The following ZBTB3 variants were observed in gnomAD, a reference collection of about 807,000 sequenced individuals.
ZBTB3 encodes zinc finger and BTB domain-containing protein 3.
ZBTB3 carries 15 observed loss-of-function variants against 30.6 expected under a neutral mutation model. The observed-to-expected ratio is 0.49, with a 90% CI of 0.33 to 0.75. The LOEUF is 0.75. ZBTB3 is among the 30% of genes least tolerant of loss of function. The pLI is 0.02. For synonymous variants in ZBTB3, 258 were observed against 261.7 expected, an observed-to-expected ratio of 0.99 and a Z score of 0.14; for missense variants, 599 against 652.1, an observed-to-expected ratio of 0.92 and a Z score of 0.89.
Position 62,752,163 on chromosome 11 carries a change from G to A in ZBTB3, c.1502C>T (p.Thr501Ile). ...ACCACTGCTGCTCTGTCTGTCTGCT[G>A]TTGGGGAGCCAGGGAGAGGCTGCAC... ...LGVQPLPGSP[T>I]ADRQSSSGGG... Residue 501 changes from threonine (T) to isoleucine (I), a missense_variant, in exon 2 of 2, where the codon ACA becomes ATA. Coordinates refer to ENST00000394807, the MANE Select transcript of ZBTB3 (RefSeq NM_001370809.1). 6.2e-7 allele frequency: 1 copy of A among 1,614,092 alleles called. No individual in the cohort carries two copies. Among genetic ancestry groups the A allele is most frequent in the Non-Finnish European group, 8.5e-7 (1 of 1,179,988 alleles).
chr11:62,752,640 G>C lies in ZBTB3; in HGVS notation c.1025C>G (p.Ser342Cys). 6.2e-7 allele frequency: 1 copy of C among 1,614,226 alleles called. No homozygotes were observed. Among genetic ancestry groups the C allele is most frequent in the Non-Finnish European group, 8.5e-7 (1 of 1,180,050 alleles). Reference sequence around the variant, plus strand: ...TGGGTCTTCAAAAGCCTCTGGCTGGGAGGGCTGTGCCCCATACACTGCTCC... The same window carrying C: ...TGGGTCTTCAAAAGCCTCTGGCTGGCAGGGCTGTGCCCCATACACTGCTCC... The part of the protein sequence containing the change: ...SGGAVYGAQP[S>C]QPEAFEDPGA... Residue 342 changes from serine to cysteine, a missense_variant, in exon 2 of 2, where the codon TCC (serine) becomes TGC (cysteine). Transcript: ENST00000394807.
intron 1 of ZBTB3, 37 bp from the exon 2 acceptor site, chr11:62,753,752 TC>T: frequency 6.4e-7 from 1 of 1,562,996 alleles, no homozygotes. Context: ...ACAGGTAACC[TC>T]CCCAGCAACC....
At position 62,753,417 on chromosome 11, in the gene ZBTB3, A is replaced by G; in HGVS notation, c.248T>C (p.Met83Thr). ...TCTCAGGGTCAGCTGGCCAGCATAC[A>G]TAAAGTCCAGAAGCAGCCCAAAGGC... is the stretch of plus-strand genomic sequence containing the variant. ...APAFGLLLDF[M>T]YAGQLTLRGD... Residue 83 changes from methionine to threonine, a missense_variant, in exon 2 of 2, where the codon ATG becomes ACG. Coordinates refer to ENST00000394807, the MANE Select transcript of ZBTB3 (RefSeq NM_001370809.1). 6.2e-7 allele frequency: 1 copy of G among 1,614,176 alleles called. No homozygotes were observed.
chr11:62,754,125 C>A lies in ZBTB3; in HGVS notation c.-213G>T. The A allele has an allele frequency of 1.3e-6, 2 of 1,519,830 alleles. No individual in the cohort carries two copies. The highest frequency in any genetic ancestry group is 1.8e-6 in the Non-Finnish European group (2 of 1,095,104). 94.1% of individuals were successfully genotyped at this position (1,519,830 alleles called of 1,614,324 possible). ...TGGGAACTAGCGGAGAAAGCTGATACCTCACCCACCACCGAGCAGCCACAG... is the reference window on the plus strand; with the variant it reads ...TGGGAACTAGCGGAGAAAGCTGATAACTCACCCACCACCGAGCAGCCACAG... On this transcript the variant is annotated 5_prime_UTR_variant, in exon 1 of 2. Coordinates refer to ENST00000394807, the MANE Select transcript of ZBTB3 (RefSeq NM_001370809.1).
At chr11:62,753,869 T>C in intron 1 of ZBTB3, 95 bp downstream of exon 1, 1 of 1,566,884 alleles carries the variant, frequency 6.4e-7, no homozygotes. Flanking sequence ...TCCGCCCACC[T>C]CGGCCTAACC....
chr11:62,753,805 C>T, intron 1 of ZBTB3, 90 bp from the exon 2 acceptor site: 3 of 1,530,230 alleles, frequency 2.0e-6, no homozygotes, highest in Non-Finnish European at 2.6e-6. Context: ...AAAACAATCG[C>T]TTAAGTTACT....
rs2084005361 is a variant in ZBTB3 at position 62,751,055 on chromosome 11, G to A, written c.*1035C>T. The A allele has an allele frequency of 6.6e-6, 1 of 152,554 alleles. No homozygotes were observed. Among genetic ancestry groups the A allele is most frequent in the South Asian group, 2.1e-4 (1 of 4,830 alleles). The allele number at this position is 152,554 out of a possible 1,614,324, so 9.5% of individuals were successfully genotyped here. A position where few individuals can be genotyped will look rare whatever the true frequency, so the allele number is the denominator to read the frequency against. On this transcript the variant is annotated 3_prime_UTR_variant, in exon 2 of 2. Transcript: ENST00000394807. ...GGAAAATTCCCAGTGCCCTTGGAGA[G>A]AGCTGACATAGGCTTTGCCCCATAA...
At position 62,754,112 on chromosome 11, in the gene ZBTB3, G is replaced by C. The variant is rs751816723; in HGVS notation, c.-200C>G. 62 of 1,579,966 alleles carry C rather than the reference G, an allele frequency of 3.9e-5. No homozygotes were observed. In the East Asian group the frequency reaches 1.4e-3, roughly 35 times the overall value. On this transcript the variant is annotated 5_prime_UTR_variant, in exon 1 of 2. Transcript: ENST00000394807. ...AGGACTACCAGGGTGGGAACTAGCGGAGAAAGCTGATACCTCACCCACCAC... is the reference window on the plus strand; with the variant it reads ...AGGACTACCAGGGTGGGAACTAGCGCAGAAAGCTGATACCTCACCCACCAC...
chr11:62,752,813 A>AGGGGCTGGGGCTGACGTT lies in ZBTB3; in HGVS notation c.834_851dup (p.Thr279_Pro284dup). On this transcript the variant is annotated inframe_insertion, in exon 2 of 2. Transcript: ENST00000394807. ...CCTGGGATGGAACTGGAGCTGAGAC[A>AGGGGCTGGGGCTGACGTT]GGGGCTGGGGCTGACGTTGGGGCTG... 1 of 1,614,080 alleles carries AGGGGCTGGGGCTGACGTT rather than the reference A, an allele frequency of 6.2e-7. No homozygotes were observed. Among genetic ancestry groups the AGGGGCTGGGGCTGACGTT allele is most frequent in the Non-Finnish European group, 8.5e-7 (1 of 1,179,988 alleles).
rs1238581177 is a variant in ZBTB3 at position 62,752,809 on chromosome 11, A to C, written c.856T>G (p.Ser286Ala). The part of the protein sequence containing the change: ...SAPTSAPAPV[S>A]APVPSQAPAP... ...GGAGCCTGGGATGGAACTGGAGCTG[A>C]GACAGGGGCTGGGGCTGACGTTGGG... The change falls in exon 2 of 2, where the codon TCA becomes GCA. Residue 286 changes from serine (S) to alanine (A), a missense_variant. Ser to Ala is a moderately conservative substitution (Grantham distance 99, BLOSUM62 1). Transcript: ENST00000394807. The C allele has an allele frequency of 6.2e-7, 1 of 1,614,018 alleles. No individual in the cohort carries two copies. Among genetic ancestry groups the C allele is most frequent in the Non-Finnish European group, 8.5e-7 (1 of 1,180,030 alleles).
chr11:62,753,488 G>A lies in ZBTB3; in HGVS notation c.177C>T (p.Asp59=), dbSNP rs1260496136. ...FQLFYKEREL[D]KRDLVCIHNE... ...TGTGAATACACACCAGATCCCTCTT[G>A]TCCAATTCCCGCTCCTTGTAGAAAA... Residue 59 remains aspartate (D), a synonymous_variant, in exon 2 of 2, where the codon GAC becomes GAT. Coordinates refer to ENST00000394807, the MANE Select transcript of ZBTB3 (RefSeq NM_001370809.1). 67 of 1,614,074 alleles carry A rather than the reference G, an allele frequency of 4.2e-5. No homozygotes were observed. Among genetic ancestry groups the A allele is most frequent in the Non-Finnish European group, 5.4e-5 (64 of 1,180,046 alleles).
At position 62,753,300 on chromosome 11, in the gene ZBTB3, CG is replaced by C; in HGVS notation, c.364del (p.Arg122GlyfsTer135). 1 of 1,614,096 alleles carries C rather than the reference CG, an allele frequency of 6.2e-7. No individual in the cohort carries two copies. Among genetic ancestry groups the C allele is most frequent in the Admixed American group, 1.7e-5 (1 of 60,002 alleles). On this transcript the variant is annotated frameshift_variant, in exon 2 of 2. Coordinates refer to ENST00000394807, the MANE Select transcript of ZBTB3 (RefSeq NM_001370809.1). LOFTEE classifies it high-confidence loss of function. Reference protein sequence around the residue: ...VKVCKRRLQARALAEADSTKK... With the variant: ...VKVCKRRLQAXALAEADSTKK... Reference sequence around the variant, plus strand: ...GGTACTGTCTGCCTCTGCCAGGGCCCGGGCTTGAAGCCGCCGCTTACACACC... The same window carrying C: ...GGTACTGTCTGCCTCTGCCAGGGCCCGGCTTGAAGCCGCCGCTTACACACC...
At chr11:62,753,744 A>C in intron 1 of ZBTB3, 29 bp from the exon 2 acceptor site, 1 of 1,570,498 alleles carries the variant, frequency 6.4e-7, no homozygotes, top group East Asian at 2.3e-5. Flanking sequence ...GAGTTAAGAC[A>C]GGTAACCTCC....
rs1565179370 is a variant in ZBTB3, at chr11:62,753,482, C to T, written c.183G>A (p.Arg61=). The change falls in exon 2 of 2, where the codon AGG becomes AGA. Residue 61 remains arginine (R), a synonymous_variant. Transcript: ENST00000394807. ...TTTCATTGTGAATACACACCAGATC[C>T]CTCTTGTCCAATTCCCGCTCCTTGT... is the stretch of plus-strand genomic sequence containing the variant. ...LFYKERELDK[R]DLVCIHNEIV... 6 of 1,614,222 alleles carry T rather than the reference C, an allele frequency of 3.7e-6. No homozygotes were observed. The highest frequency in any genetic ancestry group is 5.1e-6 in the Non-Finnish European group (6 of 1,180,040).
In ZBTB3 at chr11:62,751,818, C is replaced by G. The variant is rs1206243227; in HGVS notation, c.*272G>C. ...GGCATGGTGATAGGCGCCTGTAGTCCCAGCTACTCGGGAGGCTGAGGCAGG... is the reference window on the plus strand; with the variant it reads ...GGCATGGTGATAGGCGCCTGTAGTCGCAGCTACTCGGGAGGCTGAGGCAGG... On this transcript the variant is annotated 3_prime_UTR_variant, in exon 2 of 2. Transcript: ENST00000394807. 3.9e-6 allele frequency: 1 copy of G among 253,848 alleles called. No individual in the cohort carries two copies. The highest frequency in any genetic ancestry group is 7.5e-6 in the Non-Finnish European group (1 of 133,754). The allele number at this position is 253,848 out of a possible 1,614,324, so 15.7% of individuals were successfully genotyped here.
In ZBTB3 at chr11:62,752,109, G is replaced by A; in HGVS notation, c.1556C>T (p.Ala519Val). 1 of 1,610,314 alleles carries A rather than the reference G, an allele frequency of 6.2e-7. No homozygotes were observed. The highest frequency in any genetic ancestry group is 8.5e-7 in the Non-Finnish European group (1 of 1,177,684). ...GGGPPKDFVL[A>V]PKTNI ...GCTCCCTTAGATGTTAGTTTTTGGG[G>A]CCAATACAAAATCTTTAGGTGGCCC... The change falls in exon 2 of 2, where the codon GCC becomes GTC. Residue 519 changes from alanine to valine, a missense_variant. Ala to Val is a moderately conservative substitution (Grantham distance 64). Transcript: ENST00000394807.
chr11:62,752,999 A>T lies in ZBTB3; in HGVS notation c.666T>A (p.Pro222=). The change falls in exon 2 of 2, where the codon CCT becomes CCA. Residue 222 remains proline, a synonymous_variant. Transcript: ENST00000394807. ...PPVADVSLAS[P]SSSTETIPTN... ...TAGGAATGGTCTCAGTGGAGCTACT[A>T]GGGCTGGCAAGAGAGACATCAGCCA... 1.2e-6 allele frequency: 2 copies of T among 1,614,110 alleles called. No individual in the cohort carries two copies. The highest frequency in any genetic ancestry group is 1.7e-6 in the Non-Finnish European group (2 of 1,180,002).
chr11:62,753,227 CAA>C lies in ZBTB3; in HGVS notation c.436_437del (p.Leu146ValfsTer2). ...TNSQLPSLEF[L>X]SSTSRGTQPS... The stretch of plus-strand genomic sequence containing the variant: ...GTTGGGTGCCACGGGAAGTACTAGA[CAA>C]AAACTCCAAACTAGGAAGCTGTGAG... On this transcript the variant is annotated frameshift_variant, in exon 2 of 2. Transcript: ENST00000394807. LOFTEE classifies it high-confidence loss of function. 6.2e-7 allele frequency: 1 copy of C among 1,614,192 alleles called. No individual in the cohort carries two copies. The highest frequency in any genetic ancestry group is 8.5e-7 in the Non-Finnish European group (1 of 1,180,036).
Position 62,752,910 on chromosome 11 carries a change from C to T in ZBTB3, c.755G>A (p.Gly252Asp). ...SLEPLPSLDV[G>D]PESLRVVEPK... is the part of the protein sequence containing the mutation. ...TTCCACCACCCTCAGACTCTCAGGA[C>T]CCACATCAAGAGATGGCAGTGGCTC... The change falls in exon 2 of 2, where the codon GGT becomes GAT. Residue 252 changes from glycine to aspartate, a missense_variant. Transcript: ENST00000394807. 1 of 1,614,134 alleles carries T rather than the reference C, an allele frequency of 6.2e-7. No homozygotes were observed. Among genetic ancestry groups the T allele is most frequent in the East Asian group, 2.2e-5 (1 of 44,886 alleles).
Sources: gnomAD v4.1 joint callset for allele counts on GRCh38, gnomAD v4.1.1 for gene constraint, MANE v1.5 for transcripts, NCBI Gene and HGNC (gene_info 2026-07-23, HGNC 2026-07-21) for gene names.